Variants in RHCG observed in about 807,000 individuals in gnomAD.
RHCG encodes the protein ammonium transporter Rh type C.
Under a neutral mutation model 55.3 loss-of-function variants are expected in RHCG, and 39 were observed. The ratio of observed to expected loss-of-function variants is 0.70; its 90% CI spans 0.55 to 0.92. The LOEUF (loss-of-function observed/expected upper bound fraction) is 0.92, where lower values mean the gene tolerates loss of function less well. Ranked by LOEUF, RHCG falls within the 40% of genes least tolerant of loss-of-function variation. The pLI is 0.00. For missense variants in RHCG, 635 were observed against 627.9 expected (o/e 1.01, Z -0.12); for synonymous variants, 250 against 246.8 (o/e 1.01, Z -0.12).
chr15:89,476,071 C>T (rs982987018), intron 9 of RHCG, among the ~76,000 whole-genome samples: 3 of 151,188 alleles, frequency 2.0e-5, no homozygotes, highest in Non-Finnish European at 4.4e-5. Context: ...CCGCTTCTCT[C>T]TCTCTCCCTG....
At chr15:89,495,907 T>C (rs992289766) in intron 1 of RHCG, among the ~76,000 whole-genome samples, 6 of 152,106 alleles carry the variant, frequency 3.9e-5, no homozygotes, top group Admixed American at 3.9e-4. Context: ...GTTTTCCCTC[T>C]CCAAGCTAAA....
At chr15:89,489,283 ATT>A (rs577244121) in intron 1 of RHCG, among the ~76,000 whole-genome samples, 1 of 146,054 alleles carries the variant, frequency 6.8e-6, no homozygotes, top group African/African-American at 2.5e-5. Context: ...CACCCAGCTA[ATT>A]TTTTTTTTTT....
At chr15:89,481,598 A>G (rs1041400937) in intron 3 of RHCG, among the ~76,000 whole-genome samples, 14 of 152,226 alleles carry the variant, frequency 9.2e-5, no homozygotes, top group African/African-American at 3.4e-4. Context: ...GCACAGTATG[A>G]CAAAGCACAG....
At chr15:89,485,002 C>A (rs964811497) in intron 2 of RHCG, among the ~76,000 whole-genome samples, 4 of 152,102 alleles carry the variant, frequency 2.6e-5, no homozygotes, top group African/African-American at 9.7e-5. Context: ...TCTGGATCCA[C>A]AAGGTCAGGT....
intron 9 of RHCG, among the ~76,000 whole-genome samples, chr15:89,473,200 AGTT>A (rs1367697769): frequency 1.3e-5 from 2 of 152,214 alleles, no homozygotes; most frequent in Non-Finnish European, 2.9e-5. Flanking sequence ...GATGCTGAGA[AGTT>A]GTGCTGAACC....
In RHCG at chr15:89,486,586, G is replaced by GAA. The variant is rs1961366802; in HGVS notation, c.371+212_371+213insTT. 3 of 524,138 alleles carry GAA rather than the reference G, an allele frequency of 5.7e-6. No individual in the cohort carries two copies. In the African/African-American group the frequency reaches 6.7e-5, roughly 12 times the overall value. The allele number at this position is 524,138 out of a possible 1,614,324, so 32.5% of individuals were successfully genotyped here. On this transcript the variant is annotated intron_variant, in intron 2 of 10. Coordinates refer to ENST00000268122, the MANE Select transcript of RHCG (RefSeq NM_016321.3). ...AGACAGAGAGAGAGAGAGAGAGAGA[G>GAA]AGAGAGAGAGAGAGTGTGTGTGTGT...
In RHCG at chr15:89,477,988, G is replaced by A. The variant is rs1961188838; in HGVS notation, c.838-14C>T. On this transcript the variant is annotated splice_polypyrimidine_tract_variant and intron_variant, in intron 5 of 10. Coordinates refer to ENST00000268122, the MANE Select transcript of RHCG (RefSeq NM_016321.3). The surrounding 1 kb of genome is among the most constrained non-coding windows in gnomAD (Gnocchi z 4.5). ...CTGGATGTGCACCTGGGCAGGGCAG[G>A]CAGAGCAGGCAGGAACTCAGTCCTC... The A allele has an allele frequency of 2.5e-6, 4 of 1,593,960 alleles. No individual in the cohort carries two copies. The highest frequency in any genetic ancestry group is 1.7e-5 in the Admixed American group (1 of 59,178).
rs1166603477 is a variant in RHCG at position 89,486,630 on chromosome 15, G to GTGTGTGT, written c.371+162_371+168dup. ...TGTGTGTGTGTGTGTGTGTGTGTGTGTGTGTGTGTGTGTATCTGTCTCGCA... is the reference window on the plus strand; with the variant it reads ...TGTGTGTGTGTGTGTGTGTGTGTGTGTGTGTGTTGTGTGTGTGTGTATCTGTCTCGCA... On this transcript the variant is annotated intron_variant, in intron 2 of 10. Transcript: ENST00000268122. The GTGTGTGT allele has an allele frequency of 7.0e-6, 4 of 572,670 alleles. No homozygotes were observed. In the African/African-American group the frequency reaches 7.4e-5, roughly 11 times the overall value. The allele number at this position is 572,670 out of a possible 1,614,324, so 35.5% of individuals were successfully genotyped here.
rs962842054 is a variant in RHCG, at chr15:89,480,253, G to T, written c.670+8C>A. ...ATGGTGGCCCTCGGTCATGATGGCA[G>T]TTCTCACCAATCATGGCAAAGAGGT... On this transcript the variant is annotated splice_region_variant and intron_variant, in intron 4 of 10. Transcript: ENST00000268122. 6.2e-7 allele frequency: 1 copy of T among 1,613,880 alleles called. No homozygotes were observed. The highest frequency in any genetic ancestry group is 1.7e-5 in the Admixed American group (1 of 60,014).
intron 1 of RHCG, among the ~76,000 whole-genome samples, chr15:89,493,950 T>C (rs1374125971): frequency 6.6e-6 from 1 of 152,052 alleles, no homozygotes; most frequent in Admixed American, 6.6e-5. Context: ...GGCCACTACT[T>C]CTTGCCAAGA....
At chr15:89,476,913 C>G (rs1567224695) in intron 8 of RHCG, 85 bp from the exon 9 acceptor site, 18 of 1,540,606 alleles carry the variant, frequency 1.2e-5, no homozygotes, top group Non-Finnish European at 1.6e-5. Flanking sequence ...GGAAAATCCT[C>G]CTGGGGCCCT....
In RHCG at chr15:89,477,873, G is replaced by T. The variant is rs887444040; in HGVS notation, c.939C>A (p.Cys313Ter). 1 of 1,614,054 alleles carries T rather than the reference G, an allele frequency of 6.2e-7. No individual in the cohort carries two copies. The change falls in exon 6 of 11, where the codon TGC becomes TGA. Residue 313 changes from cysteine to a stop codon, truncating the protein, a stop_gained. Transcript: ENST00000268122. LOFTEE classifies it high-confidence loss of function. The surrounding 1 kb of genome is among the most constrained non-coding windows in gnomAD (Gnocchi z 4.5). ...PYGALIIGFV[C>*]GIISTLGFVY... ...CAAAACCCAGGGTGGAGATGATGCCGCAGACGAAGCCGATGATGAGGGCAC... is the reference window on the plus strand; with the variant it reads ...CAAAACCCAGGGTGGAGATGATGCCTCAGACGAAGCCGATGATGAGGGCAC...
chr15:89,473,740 A>C (rs1006403599), intron 9 of RHCG, among the ~76,000 whole-genome samples: 1 of 152,240 alleles, frequency 6.6e-6, no homozygotes, highest in African/African-American at 2.4e-5. Context: ...TTATGCAAAT[A>C]CTATGCCATT....
intron 2 of RHCG, chr15:89,486,507 A>G: frequency 2.0e-6 from 1 of 492,054 alleles, no homozygotes; most frequent in South Asian, 1.5e-5. Context: ...TGACACTTGG[A>G]CGACTCCCAC....
At chr15:89,495,988 G>A (rs1284671108) in intron 1 of RHCG, among the ~76,000 whole-genome samples, 1 of 152,196 alleles carries the variant, frequency 6.6e-6, no homozygotes, top group Non-Finnish European at 1.5e-5. Flanking sequence ...CAGGGCTGGC[G>A]CTTATTTGGA....
At position 89,472,741 on chromosome 15, in the gene RHCG, T is replaced by C; in HGVS notation, c.1434A>G (p.Val478=). The C allele has an allele frequency of 6.2e-7, 1 of 1,605,322 alleles. No homozygotes were observed. Among genetic ancestry groups the C allele is most frequent in the Non-Finnish European group, 8.5e-7 (1 of 1,176,048 alleles). The change falls in exon 10 of 11, where the codon GTA becomes GTG. Residue 478 remains valine, a synonymous_variant. Coordinates refer to ENST00000268122, the MANE Select transcript of RHCG (RefSeq NM_016321.3). ...CCTCACCTGCCCTGGGAGCCTAGGG[T>C]ACCAAGGGTACCGAGGAAGCCATGG... The part of the protein sequence containing the change: ...PLPMASSVPL[V]P
At chr15:89,481,090 C>T (rs1222784252) in intron 3 of RHCG, among the ~76,000 whole-genome samples, 1 of 152,212 alleles carries the variant, frequency 6.6e-6, no homozygotes, top group African/African-American at 2.4e-5. Context: ...GCAGATGCCT[C>T]TACTAGCTGT....
chr15:89,481,960 C>T (rs1961275735), intron 3 of RHCG, among the ~76,000 whole-genome samples: 1 of 152,176 alleles, frequency 6.6e-6, no homozygotes, highest in African/African-American at 2.4e-5. Context: ...CGCCACTACA[C>T]CCAGCTAATT....
chr15:89,472,367 T>C (rs1274957124), intron 10 of RHCG, among the ~76,000 whole-genome samples: 4 of 152,192 alleles, frequency 2.6e-5, no homozygotes, highest in Non-Finnish European at 4.4e-5. Flanking sequence ...TTCATTTTTA[T>C]AGATGAGGAA....
Sources: gnomAD v4.1 joint callset for allele counts (sites outside exome capture counted in the v4.1 genomes callset) on GRCh38, gnomAD v4.1.1 for gene constraint, Gnocchi (gnomAD v3.1) non-coding constraint, MANE v1.5 for transcripts, NCBI Gene and HGNC (gene_info 2026-07-23, HGNC 2026-07-21) for gene names.